PID1: variants seen among roughly 807,000 people sequenced by gnomAD.
The protein encoded by PID1 is PTB-containing, cubilin and LRP1-interacting protein.
In PID1, 10 loss-of-function variants were observed where a neutral mutation model predicts 19.1. The observed-to-expected ratio is 0.52, with a 90% CI of 0.32 to 0.89. The LOEUF (loss-of-function observed/expected upper bound fraction) is 0.89. Among genes scored for constraint, PID1 ranks in the 40% least tolerant of loss-of-function variants. The probability of loss-of-function intolerance (pLI) is 0.03; values close to 1 mark genes in which losing one functional copy is unlikely to be tolerated. For synonymous variants in PID1, 130 were observed against 116.0 expected, an observed-to-expected ratio of 1.12 and a Z score of -0.78; for missense variants, 248 against 285.3, an observed-to-expected ratio of 0.87 and a Z score of 0.94.
rs143505189 is a variant in PID1, at chr2:229,203,612, G to C, written c.31-47648C>G. On this transcript the variant is annotated intron_variant, in intron 1 of 2. Transcript: ENST00000392055. ...ACCAGCAACAATATGCTATACTACT[G>C]TAATCTAGCATTTAGAGTCAAGTGT... Among the ~76,000 whole-genome samples, 267 of 152,126 alleles carry C rather than the reference G, an allele frequency of 1.8e-3. 1 individual carries two copies. The highest frequency in any genetic ancestry group is 6.0e-3 in the African/African-American group (251 of 41,502).
intron 2 of PID1, among the ~76,000 whole-genome samples, chr2:229,040,052 G>T (rs563252559): frequency 6.6e-6 from 1 of 151,386 alleles, no homozygotes; most frequent in Non-Finnish European, 1.5e-5. Flanking sequence ...ACTATTCCAC[G>T]TGTGAAAAGG....
chr2:229,140,066 C>T (rs1323196871), intron 2 of PID1, among the ~76,000 whole-genome samples: 1 of 152,090 alleles, frequency 6.6e-6, no homozygotes, highest in Non-Finnish European at 1.5e-5. Flanking sequence ...ATGTCCTTAG[C>T]GTGGTACTCC....
intron 2 of PID1, among the ~76,000 whole-genome samples, chr2:229,146,700 T>C (rs576437962): frequency 6.6e-6 from 1 of 152,120 alleles, no homozygotes; most frequent in South Asian, 2.1e-4. Context: ...GTAGATTTGA[T>C]AAAATGAAGG....
At chr2:229,242,697 T>G (rs952466669) in intron 1 of PID1, among the ~76,000 whole-genome samples, 1 of 152,140 alleles carries the variant, frequency 6.6e-6, no homozygotes, top group Admixed American at 6.6e-5. Flanking sequence ...TTGCAATACA[T>G]TTTCTATACC....
intron 2 of PID1, among the ~76,000 whole-genome samples, chr2:229,097,813 G>GC (rs1297624688): frequency 2.0e-5 from 3 of 152,098 alleles, no homozygotes; most frequent in African/African-American, 7.2e-5. Flanking sequence ...TTGCACTGAA[G>GC]CCACAATACT....
intron 1 of PID1, among the ~76,000 whole-genome samples, chr2:229,261,018 A>G (rs1242945677): frequency 6.6e-6 from 1 of 152,144 alleles, no homozygotes; most frequent in Non-Finnish European, 1.5e-5. Context: ...CTAACCCAAT[A>G]TGACTGGTTT....
At chr2:229,064,099 C>T (rs72990907) in intron 2 of PID1, among the ~76,000 whole-genome samples, 8,490 of 152,112 alleles carry the variant, frequency 0.056, 333 homozygotes, top group African/African-American at 0.11. Context: ...AATTGTTCAG[C>T]CATTCAAGTG....
intron 1 of PID1, among the ~76,000 whole-genome samples, chr2:229,212,889 C>T (rs943810653): frequency 2.0e-5 from 3 of 152,066 alleles, no homozygotes; most frequent in Non-Finnish European, 4.4e-5. Context: ...TCCCGGCTGA[C>T]CCACCTGAAG....
chr2:229,071,588 T>A (rs1470915504), intron 2 of PID1, among the ~76,000 whole-genome samples: 1 of 152,226 alleles, frequency 6.6e-6, no homozygotes. Flanking sequence ...GTAACAATGC[T>A]TTGTTTTATC....
chr2:229,173,425 T>C (rs542535803), intron 1 of PID1, among the ~76,000 whole-genome samples: 17 of 152,338 alleles, frequency 1.1e-4, no homozygotes, highest in Admixed American at 5.2e-4. Context: ...TACCAGCTTG[T>C]GTCTTACCTG....
chr2:229,045,462 G>T (rs1693856843), intron 2 of PID1, among the ~76,000 whole-genome samples: 1 of 152,204 alleles, frequency 6.6e-6, no homozygotes, highest in African/African-American at 2.4e-5. Context: ...CTTAATGATT[G>T]GTTCAAATGA....
chr2:229,099,223 A>G (rs1695030325), intron 2 of PID1, among the ~76,000 whole-genome samples: 1 of 152,230 alleles, frequency 6.6e-6, no homozygotes, highest in Admixed American at 6.5e-5. Context: ...TACGTGTTTC[A>G]AACAGTAGAA....
At chr2:229,253,326 T>C (rs1051583283) in intron 1 of PID1, among the ~76,000 whole-genome samples, 2 of 152,188 alleles carry the variant, frequency 1.3e-5, no homozygotes, top group Non-Finnish European at 2.9e-5. Flanking sequence ...AGTAAAAGCA[T>C]CATTACTTAA....
At chr2:229,167,191 GC>G (rs1251005333) in intron 1 of PID1, among the ~76,000 whole-genome samples, 1 of 152,054 alleles carries the variant, frequency 6.6e-6, no homozygotes, top group Non-Finnish European at 1.5e-5. Context: ...AATGTTTCAG[GC>G]ATGAATCATT....
At chr2:229,036,028 C>T (rs989542674) in intron 2 of PID1, among the ~76,000 whole-genome samples, 2 of 152,178 alleles carry the variant, frequency 1.3e-5, no homozygotes, top group Non-Finnish European at 2.9e-5. Flanking sequence ...ACAAAGCAAA[C>T]CATTCCCACT....
chr2:229,213,946 T>C (rs1237381972), intron 1 of PID1, among the ~76,000 whole-genome samples: 1 of 152,210 alleles, frequency 6.6e-6, no homozygotes, highest in Non-Finnish European at 1.5e-5. Context: ...AAATATTACA[T>C]CATTACACTT....
At chr2:229,133,731 T>C (rs1689794958) in intron 2 of PID1, among the ~76,000 whole-genome samples, 1 of 152,354 alleles carries the variant, frequency 6.6e-6, no homozygotes, top group East Asian at 1.9e-4. Context: ...TGAGCAGGTT[T>C]TTCAATCTCA....
chr2:229,193,020 T>G (rs1691295930), intron 1 of PID1, among the ~76,000 whole-genome samples: 1 of 152,202 alleles, frequency 6.6e-6, no homozygotes, highest in Non-Finnish European at 1.5e-5. Flanking sequence ...ATTTTGGTTA[T>G]CTCTTATTGT....
intron 1 of PID1, among the ~76,000 whole-genome samples, chr2:229,215,163 G>A (rs1034682539): frequency 2.6e-5 from 4 of 152,188 alleles, no homozygotes; most frequent in South Asian, 4.1e-4. Context: ...TGCCTGATAC[G>A]ATAGTTGGGT....
Sources: gnomAD v4.1 joint callset for allele counts (sites outside exome capture counted in the v4.1 genomes callset) on GRCh38, gnomAD v4.1.1 for gene constraint, MANE v1.5 for transcripts, NCBI Gene and HGNC (gene_info 2026-07-23, HGNC 2026-07-21) for gene names.